The following ISM1 variants were observed in gnomAD, a reference collection of about 807,000 sequenced individuals.
The protein encoded by ISM1 is isthmin 1, also known as isthmin-1.
In ISM1, 25 loss-of-function variants were observed where a neutral mutation model predicts 46.3. The observed-to-expected ratio is 0.54, with a 90% CI of 0.39 to 0.75. The LOEUF is 0.75. ISM1 is among the 30% of genes least tolerant of loss of function. ISM1 has a pLI of 0.00. For missense variants in ISM1, 536 were observed against 625.4 expected (o/e 0.86, Z 1.52); for synonymous variants, 255 against 256.7 (o/e 0.99, Z 0.06).
chr20:13,323,763 G>A, the ISM1 span, among the ~76,000 whole-genome samples: 2 of 152,056 alleles, frequency 1.3e-5, no homozygotes, highest in Non-Finnish European at 2.9e-5. Context: ...TGGAAAAAAA[G>A]CCTTCTTCTT....
At chr20:13,298,621 GT>G (rs2040429312) in intron 5 of ISM1, among the ~76,000 whole-genome samples, 1 of 152,152 alleles carries the variant, frequency 6.6e-6, no homozygotes, top group African/African-American at 2.4e-5. Flanking sequence ...TGAAATATGG[GT>G]AGTCATTGTA....
At chr20:13,283,720 G>T (rs1304875539) in intron 3 of ISM1, among the ~76,000 whole-genome samples, 3 of 152,180 alleles carry the variant, frequency 2.0e-5, no homozygotes, top group Non-Finnish European at 2.9e-5. Context: ...TCTAACAGTA[G>T]TATACCATTT....
the ISM1 span, among the ~76,000 whole-genome samples, chr20:13,323,342 C>G: frequency 6.6e-6 from 1 of 152,136 alleles, no homozygotes. Context: ...TCAGGCGGAG[C>G]AAGGCAAGAA....
At chr20:13,291,116 G>T (rs571650801) in intron 4 of ISM1, among the ~76,000 whole-genome samples, 1 of 152,152 alleles carries the variant, frequency 6.6e-6, no homozygotes, top group Non-Finnish European at 1.5e-5. Context: ...CCTTGTCAGG[G>T]GAAGGCTCCC....
chr20:13,290,129 A>G (rs1568688633), intron 4 of ISM1, among the ~76,000 whole-genome samples: 1 of 152,312 alleles, frequency 6.6e-6, no homozygotes, highest in East Asian at 1.9e-4. Context: ...AGCCATGCAG[A>G]TGGATTTCAA....
intron 1 of ISM1, among the ~76,000 whole-genome samples, chr20:13,246,421 T>A (rs111284324): frequency 0.036 from 5,514 of 152,140 alleles, 174 homozygotes; most frequent in African/African-American, 0.077. Flanking sequence ...TACTGCCCAC[T>A]CTGCCTGCCA....
chr20:13,268,349 T>C (rs1475501479), intron 1 of ISM1, among the ~76,000 whole-genome samples: 4 of 634 alleles, frequency 6.3e-3, no homozygotes, highest in South Asian at 0.028. Flanking sequence ...TTCTTCTTCC[T>C]CTCTCTCTCT....
At chr20:13,273,869 G>T (rs887939337) in intron 2 of ISM1, among the ~76,000 whole-genome samples, 5 of 152,200 alleles carry the variant, frequency 3.3e-5, no homozygotes, top group African/African-American at 1.2e-4. Flanking sequence ...ATACAGAGGG[G>T]TGGAGGGTGG....
chr20:13,302,979 G>A (rs148998658), downstream of ISM1, among the ~76,000 whole-genome samples: 128 of 152,262 alleles, frequency 8.4e-4, no homozygotes, highest in African/African-American at 2.7e-3. Context: ...TCTTAACGCC[G>A]GGGATTAAAG....
intron 5 of ISM1, among the ~76,000 whole-genome samples, chr20:13,297,015 C>T (rs1324994260): frequency 6.6e-6 from 1 of 151,284 alleles, no homozygotes; most frequent in Admixed American, 6.6e-5. Flanking sequence ...GAGACTCCAT[C>T]CACTCACTGC....
the ISM1 span, among the ~76,000 whole-genome samples, chr20:13,316,755 C>T: frequency 1.3e-4 from 20 of 150,418 alleles, no homozygotes; most frequent in African/African-American, 4.6e-4. Context: ...AAAAAAAAAA[C>T]TTTCAATGAA....
At chr20:13,294,471 A>C (rs940432389) in intron 5 of ISM1, among the ~76,000 whole-genome samples, 1 of 152,206 alleles carries the variant, frequency 6.6e-6, no homozygotes, top group African/African-American at 2.4e-5. Flanking sequence ...AGGACTCTTC[A>C]TATCACACCC....
At chr20:13,247,520 GTGTGTGTGTGT>G (rs2039811902) in intron 1 of ISM1, among the ~76,000 whole-genome samples, 3 of 85,354 alleles carry the variant, frequency 3.5e-5, no homozygotes, top group South Asian at 7.9e-4. Context: ...AGTGAGGGGT[GTGTGTGTGTGT>G]GTGTGTGTGT....
chr20:13,305,432 C>T (rs79479279), downstream of ISM1, among the ~76,000 whole-genome samples: 18 of 152,198 alleles, frequency 1.2e-4, no homozygotes, highest in African/African-American at 4.1e-4. Flanking sequence ...TCCCGACACA[C>T]AAAGAGTTAT....
intron 1 of ISM1, among the ~76,000 whole-genome samples, chr20:13,250,777 T>C (rs966432402): frequency 3.3e-5 from 5 of 152,214 alleles, no homozygotes; most frequent in African/African-American, 1.2e-4. Context: ...AATGAGTAAA[T>C]GGATACATGC....
At chr20:13,289,134 G>A (rs1568688117) in intron 4 of ISM1, among the ~76,000 whole-genome samples, 1 of 152,204 alleles carries the variant, frequency 6.6e-6, no homozygotes, top group Non-Finnish European at 1.5e-5. Flanking sequence ...TAATTGATGA[G>A]CTGAATGGAT....
chr20:13,322,324 T>C, the ISM1 span, among the ~76,000 whole-genome samples: 3 of 152,128 alleles, frequency 2.0e-5, no homozygotes, highest in South Asian at 2.1e-4. Context: ...GAGATACGGG[T>C]TGTTCTAAGA....
chr20:13,304,348 T>C (rs1166984992), downstream of ISM1, among the ~76,000 whole-genome samples: 1 of 152,086 alleles, frequency 6.6e-6, no homozygotes, highest in Non-Finnish European at 1.5e-5. Context: ...GGAATCAAAG[T>C]GGGCGGTCAT....
Position 13,299,696 on chromosome 20 carries a change from G to T in ISM1, c.*237G>T. The T allele has an allele frequency of 4.6e-6, 2 of 435,622 alleles. No individual in the cohort carries two copies. The allele number at this position is 435,622 out of a possible 1,614,324, so 27.0% of individuals were successfully genotyped here. ...AAAGTGCCCCTGGGGAGCGATGTGG[G>T]CAGAAGGATGGGGACAACTTGGAAG... is the stretch of plus-strand genomic sequence containing the variant. On this transcript the variant is annotated 3_prime_UTR_variant, in exon 6 of 6. Coordinates refer to ENST00000262487, the MANE Select transcript of ISM1 (RefSeq NM_080826.2). The surrounding 1 kb of genome is among the most constrained non-coding windows in gnomAD (Gnocchi z 5.8).
Sources: gnomAD v4.1 joint callset for allele counts (sites outside exome capture counted in the v4.1 genomes callset) on GRCh38, gnomAD v4.1.1 for gene constraint, Gnocchi (gnomAD v3.1) non-coding constraint, MANE v1.5 for transcripts, NCBI Gene and HGNC (gene_info 2026-07-23, HGNC 2026-07-21) for gene names.